The following LYSMD2 variants were observed in gnomAD, a reference collection of about 807,000 sequenced individuals.
LYSMD2 encodes the protein LysM domain containing 2, also known as lysM and putative peptidoglycan-binding domain-containing protein 2.
Under a neutral mutation model 17.7 loss-of-function variants are expected in LYSMD2, and 6 were observed. The observed-to-expected ratio is 0.34, with a 90% CI of 0.19 to 0.67. The LOEUF is 0.67. Ranked by LOEUF, LYSMD2 falls within the 30% of genes least tolerant of loss-of-function variation. LYSMD2 has a pLI of 0.69. For synonymous variants in LYSMD2, 102 were observed against 129.8 expected, an observed-to-expected ratio of 0.79 and a Z score of 1.45; for missense variants, 237 against 286.7, an observed-to-expected ratio of 0.83 and a Z score of 1.25.
At chr15:51,728,232 C>A (rs929754590) in intron 1 of LYSMD2, among the ~76,000 whole-genome samples, 8 of 151,920 alleles carry the variant, frequency 5.3e-5, no homozygotes, top group Admixed American at 3.3e-4. Context: ...ACCAACATAG[C>A]AAAACCTCAT....
At chr15:51,732,423 A>G (rs1330176528) in intron 1 of LYSMD2, among the ~76,000 whole-genome samples, 1 of 152,172 alleles carries the variant, frequency 6.6e-6, no homozygotes, top group Non-Finnish European at 1.5e-5. Flanking sequence ...AGTAGCTGAA[A>G]AACTCACCAT....
intron 1 of LYSMD2, among the ~76,000 whole-genome samples, chr15:51,745,849 G>A (rs2055665277): frequency 6.6e-6 from 1 of 152,158 alleles, no homozygotes; most frequent in Non-Finnish European, 1.5e-5. Flanking sequence ...GTAAGCACAT[G>A]AAAAAATGTT....
intron 1 of LYSMD2, among the ~76,000 whole-genome samples, chr15:51,748,338 A>C (rs2055679246): frequency 6.6e-6 from 1 of 150,496 alleles, no homozygotes; most frequent in African/African-American, 2.4e-5. Context: ...GGCCATAGTC[A>C]TTGTGCCAGT....
intron 1 of LYSMD2, among the ~76,000 whole-genome samples, chr15:51,732,548 T>C (rs921498572): frequency 2.6e-5 from 4 of 152,198 alleles, no homozygotes; most frequent in African/African-American, 9.7e-5. Flanking sequence ...CAGTTTTTAA[T>C]GGCTATTAAT....
chr15:51,743,538 G>A (rs991907763), intron 1 of LYSMD2, among the ~76,000 whole-genome samples: 6 of 152,154 alleles, frequency 3.9e-5, no homozygotes, highest in Middle Eastern at 3.2e-3. Flanking sequence ...TAGCTTTATA[G>A]TAAGTCTTAA....
intron 1 of LYSMD2, among the ~76,000 whole-genome samples, chr15:51,725,882 C>A (rs1213999604): frequency 6.6e-6 from 1 of 152,080 alleles, no homozygotes; most frequent in Non-Finnish European, 1.5e-5. Context: ...GTACATATGG[C>A]TCTTTAAATG....
rs1222041155 is a variant in LYSMD2 at position 51,725,116 on chromosome 15, T to C, written c.279A>G (p.Glu93=). ...ACAGTTTATTGGCCCTTTTAATCTG[T>C]TCCATCTAAAATATAAAAAAGGAGA... ...GIALKYGVTM[E]QIKRANKLFT... is the part of the protein sequence containing the mutation. The change falls in exon 2 of 3, where the codon GAA becomes GAG. Residue 93 remains glutamate (E), a synonymous_variant. Coordinates refer to ENST00000267838, the MANE Select transcript of LYSMD2 (RefSeq NM_153374.3). The C allele has an allele frequency of 1.9e-6, 3 of 1,577,230 alleles. No homozygotes were observed. Among genetic ancestry groups the C allele is most frequent in the Non-Finnish European group, 2.6e-6 (3 of 1,156,620 alleles).
exon 1 of LYSMD2, chr15:51,751,282 C>G (rs1489661797): frequency 2.8e-6 from 2 of 702,490 alleles, no homozygotes; most frequent in South Asian, 3.0e-5. Context: ...TGAGACCGCT[C>G]TCAACGCGGC....
In LYSMD2 at chr15:51,749,941, C is replaced by T. The variant is rs1472474365; in HGVS notation, c.-1+1330G>A. Among the ~76,000 whole-genome samples, 3 of 152,352 alleles carry T rather than the reference C, an allele frequency of 2.0e-5. No individual in the cohort carries two copies. The East Asian group carries it at 5.8e-4, about 29-fold the overall frequency. ...AGGCCCAAGATATAGTCCATTACCA[C>T]AATTGATCATAGAAACAACACTGGT... On this transcript the variant is annotated intron_variant, in intron 1 of 2. Coordinates refer to the LYSMD2 transcript ENST00000454181.
At chr15:51,734,694 C>T (rs1037679362) in intron 1 of LYSMD2, among the ~76,000 whole-genome samples, 3 of 152,216 alleles carry the variant, frequency 2.0e-5, no homozygotes, top group African/African-American at 7.2e-5. Context: ...TGCCTTGAGT[C>T]TCTAAGCCTC....
At chr15:51,747,782 T>A (rs987853103) in intron 1 of LYSMD2, among the ~76,000 whole-genome samples, 5 of 152,234 alleles carry the variant, frequency 3.3e-5, no homozygotes, top group African/African-American at 1.2e-4. Context: ...AACATGATCA[T>A]GATTACATAG....
At chr15:51,747,855 C>T (rs2055675880) in intron 1 of LYSMD2, among the ~76,000 whole-genome samples, 1 of 152,222 alleles carries the variant, frequency 6.6e-6, no homozygotes, top group South Asian at 2.1e-4. Context: ...CATAATTCAT[C>T]AACATAGTCA....
chr15:51,725,144 CAG>C, intron 1 of LYSMD2, 23 bp from the exon 2 acceptor site: 1 of 1,457,138 alleles, frequency 6.9e-7, no homozygotes, highest in Non-Finnish European at 9.4e-7. Context: ...AAAGGAGACA[CAG>C]AATTACATAT....
intron 1 of LYSMD2, among the ~76,000 whole-genome samples, chr15:51,725,699 A>G (rs557712992): frequency 6.6e-6 from 1 of 152,264 alleles, no homozygotes; most frequent in East Asian, 1.9e-4. Context: ...ATATATATAT[A>G]TGAGAGAATA....
In LYSMD2 at chr15:51,748,261, C is replaced by CAA. The variant is rs10556304; in HGVS notation, c.-1+3008_-1+3009dup. ...CTGGTGACAGAACAAGACTCCGTCT[C>CAA]AAAAAAAAAAAAAAAAAAAAAAAAA... On this transcript the variant is annotated intron_variant, in intron 1 of 2. Coordinates refer to the LYSMD2 transcript ENST00000454181. 1.2e-3 allele frequency among the ~76,000 whole-genome samples: 72 copies of CAA among 60,204 alleles called. 2 individuals carry two copies. Among genetic ancestry groups the CAA allele is most frequent in the African/African-American group, 3.1e-3 (49 of 15,812 alleles). 39.5% of individuals were successfully genotyped at this position (60,204 alleles called of 152,430 possible).
At chr15:51,738,714 T>G (rs1005270547), upstream of LYSMD2, among the ~76,000 whole-genome samples, 1 of 152,180 alleles carries the variant, frequency 6.6e-6, no homozygotes, top group African/African-American at 2.4e-5. Flanking sequence ...GGCTGAAGTT[T>G]TGGTATGTTG....
intron 1 of LYSMD2, among the ~76,000 whole-genome samples, chr15:51,728,726 CA>C (rs2055556852): frequency 6.6e-6 from 1 of 152,044 alleles, no homozygotes; most frequent in African/African-American, 2.4e-5. Context: ...AAAAATTAGC[CA>C]GGCATGATGG....
intron 1 of LYSMD2, among the ~76,000 whole-genome samples, chr15:51,735,173 CAAA>C (rs11316003): frequency 1.5e-5 from 2 of 132,114 alleles, no homozygotes. Context: ...GACCCTGTCT[CAAA>C]AAAAAAAAAA....
At chr15:51,745,091 T>A (rs758156850) in intron 1 of LYSMD2, among the ~76,000 whole-genome samples, 1 of 152,056 alleles carries the variant, frequency 6.6e-6, no homozygotes, top group African/African-American at 2.4e-5. Context: ...TGAATAGACA[T>A]AGGACAAGCA....
Sources: allele counts gnomAD v4.1 joint callset (sites outside exome capture counted in the v4.1 genomes callset), GRCh38; gene constraint gnomAD v4.1.1; transcripts MANE v1.5; gene names NCBI Gene and HGNC (gene_info 2026-07-23, HGNC 2026-07-21).